LTBP1: variants seen among roughly 807,000 people sequenced by gnomAD.
LTBP1 encodes latent-transforming growth factor beta-binding protein 1.
Under a neutral mutation model 207.6 loss-of-function variants are expected in LTBP1, and 129 were observed. That is an observed-to-expected ratio of 0.62 (90% CI 0.54 to 0.72). The LOEUF (loss-of-function observed/expected upper bound fraction) is 0.72, where lower values mean the gene tolerates loss of function less well. Ranked by LOEUF, LTBP1 falls within the 30% of genes least tolerant of loss-of-function variation. The pLI, the probability that LTBP1 is intolerant of heterozygous loss-of-function variation, is 0.00. For synonymous variants in LTBP1, 963 were observed against 833.7 expected (o/e 1.16, Z -2.67); for missense variants, 2,281 against 2,217.2 (o/e 1.03, Z -0.58).
intron 2 of LTBP1, among the ~76,000 whole-genome samples, chr2:32,980,455 C>T (rs76032343): frequency 0.044 from 6,756 of 152,118 alleles, 493 homozygotes; most frequent in East Asian, 0.28. Context: ...AAACTAATAA[C>T]TTTAACTTTC....
At chr2:33,097,052 C>G (rs1451165141) in intron 3 of LTBP1, among the ~76,000 whole-genome samples, 1 of 152,074 alleles carries the variant, frequency 6.6e-6, no homozygotes. Flanking sequence ...AACAATGGCT[C>G]TAGTAATTTT....
intron 3 of LTBP1, among the ~76,000 whole-genome samples, chr2:33,053,134 G>A (rs1292727250): frequency 6.6e-6 from 1 of 152,148 alleles, no homozygotes; most frequent in Non-Finnish European, 1.5e-5. Context: ...GCCTCCCAAA[G>A]TGCTGGAATT....
chr2:32,980,224 C>G (rs1682556047), intron 2 of LTBP1, among the ~76,000 whole-genome samples: 1 of 151,782 alleles, frequency 6.6e-6, no homozygotes, highest in Admixed American at 6.6e-5. Context: ...TTCTGGCCTT[C>G]TCTTCTTTCT....
chr2:32,963,382 T>TA (rs1264743250), intron 2 of LTBP1, among the ~76,000 whole-genome samples: 3 of 151,188 alleles, frequency 2.0e-5, no homozygotes, highest in African/African-American at 7.3e-5. Flanking sequence ...TTTTTTTTTT[T>TA]AACTTTTTTG....
chr2:33,215,905 G>A lies in LTBP1; in HGVS notation c.1702-1647G>A, dbSNP rs535731294. Among the ~76,000 whole-genome samples the A allele has an allele frequency of 2.0e-4, 30 of 152,014 alleles. No homozygotes were observed. The South Asian group carries it at 6.0e-3, about 31-fold the overall frequency. ...AATTTTTTGTATTTTAGTAGAGACAGGGTTTCACCATGTTGGCCAGAATGG... is the reference window on the plus strand; with the variant it reads ...AATTTTTTGTATTTTAGTAGAGACAAGGTTTCACCATGTTGGCCAGAATGG... On this transcript the variant is annotated intron_variant, in intron 7 of 33. Transcript: ENST00000404816.
chr2:33,248,550 T>G (rs1044163997), intron 10 of LTBP1, among the ~76,000 whole-genome samples: 3 of 152,110 alleles, frequency 2.0e-5, no homozygotes, highest in South Asian at 2.1e-4. Flanking sequence ...TGCAATGGCC[T>G]TGAATTATTG....
intron 5 of LTBP1, among the ~76,000 whole-genome samples, chr2:33,174,854 A>G (rs1351595258): frequency 5.3e-5 from 8 of 151,836 alleles, no homozygotes; most frequent in Non-Finnish European, 8.8e-5. Flanking sequence ...ATAACGCCGC[A>G]TATCTACAAC....
intron 33 of LTBP1, among the ~76,000 whole-genome samples, chr2:33,397,596 C>T (rs542118912): frequency 4.0e-4 from 57 of 142,716 alleles, no homozygotes; most frequent in African/African-American, 1.3e-3. Flanking sequence ...CAACTTCTGC[C>T]TCCCAGGTTC....
chr2:32,971,164 G>A (rs1680818345), intron 2 of LTBP1, among the ~76,000 whole-genome samples: 3 of 152,048 alleles, frequency 2.0e-5, no homozygotes, highest in African/African-American at 7.2e-5. Context: ...CTTCGTTGAA[G>A]TTATTTATCA....
intron 5 of LTBP1, among the ~76,000 whole-genome samples, chr2:33,154,413 C>G (rs1227020867): frequency 1.3e-5 from 2 of 152,186 alleles, no homozygotes; most frequent in African/African-American, 4.8e-5. Context: ...CTCCCAGAAT[C>G]TGAATGTACT....
At chr2:33,293,658 T>C (rs990567268) in intron 20 of LTBP1, among the ~76,000 whole-genome samples, 1 of 152,198 alleles carries the variant, frequency 6.6e-6, no homozygotes, top group African/African-American at 2.4e-5. Flanking sequence ...AAAATTGATA[T>C]GAAAGTAACC....
intron 31 of LTBP1, among the ~76,000 whole-genome samples, chr2:33,382,528 A>G (rs1032587810): frequency 6.6e-6 from 1 of 152,162 alleles, no homozygotes; most frequent in South Asian, 2.1e-4. Flanking sequence ...CAGCTCTTCC[A>G]GGATGACTTT....
intron 32 of LTBP1, among the ~76,000 whole-genome samples, chr2:33,393,603 C>T (rs560214013): frequency 6.6e-6 from 1 of 152,144 alleles, no homozygotes; most frequent in Non-Finnish European, 1.5e-5. Context: ...CATCCATGTC[C>T]CTACAAAGGA....
chr2:32,992,639 T>C (rs968022282), intron 2 of LTBP1, among the ~76,000 whole-genome samples: 3 of 152,198 alleles, frequency 2.0e-5, no homozygotes, highest in African/African-American at 7.2e-5. Context: ...AGCTTCGGCA[T>C]CTTAGTCTGA....
At chr2:33,361,359 A>G in intron 27 of LTBP1, 70 bp from the exon 28 acceptor site, 1 of 1,023,864 alleles carries the variant, frequency 9.8e-7, no homozygotes, top group Admixed American at 2.1e-5. Context: ...AGAAAGCAAA[A>G]CTGAATTTGA....
chr2:33,295,855 G>T (rs995084321), intron 20 of LTBP1, among the ~76,000 whole-genome samples: 10 of 152,186 alleles, frequency 6.6e-5, no homozygotes, highest in African/African-American at 2.4e-4. Context: ...TATCCTGTAA[G>T]AATCGAGGCC....
chr2:32,969,227 A>G (rs866230304), intron 2 of LTBP1, among the ~76,000 whole-genome samples: 6 of 92,604 alleles, frequency 6.5e-5, no homozygotes, highest in Non-Finnish European at 1.4e-4. Flanking sequence ...CACCTGGCCA[A>G]TTTGTGTGTG....
At chr2:33,322,579 A>G (rs2149355316) in intron 24 of LTBP1, among the ~76,000 whole-genome samples, 1 of 152,348 alleles carries the variant, frequency 6.6e-6, no homozygotes, top group East Asian at 1.9e-4. Flanking sequence ...ATAATGTATA[A>G]TAGCATTCAC....
At chr2:33,325,977 G>C (rs1429180193) in intron 24 of LTBP1, among the ~76,000 whole-genome samples, 1 of 151,780 alleles carries the variant, frequency 6.6e-6, no homozygotes, top group African/African-American at 2.4e-5. Flanking sequence ...ATGGTAGAAA[G>C]AAATAGGAAG....
Sources: gnomAD v4.1 joint callset for allele counts (sites outside exome capture counted in the v4.1 genomes callset) on GRCh38, gnomAD v4.1.1 for gene constraint, MANE v1.5 for transcripts, NCBI Gene and HGNC (gene_info 2026-07-23, HGNC 2026-07-21) for gene names.